Variants in GIPC2 observed in about 807,000 individuals in gnomAD.
GIPC2 encodes PDZ domain-containing protein GIPC2.
A neutral mutation model predicts 30.6 loss-of-function variants in GIPC2; 30 were observed. The observed-to-expected ratio is 0.98, with a 90% confidence interval of 0.73 to 1.33. The LOEUF (loss-of-function observed/expected upper bound fraction) is 1.33. Ranked by LOEUF, GIPC2 falls within the 40% of genes most tolerant of loss-of-function variation. GIPC2 has a pLI of 0.00. For missense variants in GIPC2, 414 were observed against 390.3 expected (o/e 1.06, Z -0.51); for synonymous variants, 167 against 150.0 (o/e 1.11, Z -0.83).
At position 78,046,406 on chromosome 1, in the gene GIPC2, C is replaced by CCCAGGAGGGTTGAGCGGCGTTT; in HGVS notation, c.240+75_240+96dup. On this transcript the variant is annotated intron_variant, in intron 1 of 5. Transcript: ENST00000370759. Reference sequence around the variant, plus strand: ...GCCGCGCCGCGCGTATTTCTGTGGGCCCAGGAGGGTTGAGCGGCGTTTCCC... The same window carrying CCCAGGAGGGTTGAGCGGCGTTT: ...GCCGCGCCGCGCGTATTTCTGTGGGCCCAGGAGGGTTGAGCGGCGTTTCCAGGAGGGTTGAGCGGCGTTTCCC... 5 of 1,386,202 alleles carry CCCAGGAGGGTTGAGCGGCGTTT rather than the reference C, an allele frequency of 3.6e-6. No individual in the cohort carries two copies. The East Asian group carries it at 7.4e-5, about 21-fold the overall frequency. 85.9% of individuals were successfully genotyped at this position (1,386,202 alleles called of 1,614,324 possible).
At position 78,069,475 on chromosome 1, in the gene GIPC2, C is replaced by CTTT. The variant is rs1167457025; in HGVS notation, c.241-11182_241-11180dup. 4.7e-3 allele frequency among the ~76,000 whole-genome samples: 602 copies of CTTT among 127,252 alleles called. 13 individuals are homozygous for CTTT. Among genetic ancestry groups the CTTT allele is most frequent in the African/African-American group, 0.016 (537 of 33,180 alleles). 83.5% of individuals were successfully genotyped at this position (127,252 alleles called of 152,430 possible). On this transcript the variant is annotated intron_variant, in intron 1 of 5. Coordinates refer to ENST00000370759, the MANE Select transcript of GIPC2 (RefSeq NM_017655.6). ...CCCTCATCTAGGGAACCCTGTAGTACTTTTTTTTTTTTTTTTTTTTGAGAC... is the reference window on the plus strand; with the variant it reads ...CCCTCATCTAGGGAACCCTGTAGTACTTTTTTTTTTTTTTTTTTTTTTTGAGAC...
chr1:78,045,408 C>A (rs1235219973), upstream of GIPC2: 1 of 233,954 alleles, frequency 4.3e-6, no homozygotes, highest in Non-Finnish European at 7.0e-6. Flanking sequence ...AGGCAAGGTC[C>A]TCTGTAGAGA....
At chr1:78,097,983 T>TAACAAACA (rs2100384126) in intron 3 of GIPC2, among the ~76,000 whole-genome samples, 1 of 152,316 alleles carries the variant, frequency 6.6e-6, no homozygotes, top group African/African-American at 2.4e-5. Flanking sequence ...ACACATAACA[T>TAACAAACA]GAAGGGATAA....
intron 5 of GIPC2, among the ~76,000 whole-genome samples, chr1:78,134,396 T>C (rs541049162): frequency 7.9e-5 from 12 of 151,862 alleles, no homozygotes; most frequent in African/African-American, 2.9e-4. Context: ...GTGATCCATC[T>C]CCATATGTGT....
chr1:78,089,782 T>C lies in GIPC2; in HGVS notation c.427-5170T>C, dbSNP rs78760695. 2.3e-4 allele frequency among the ~76,000 whole-genome samples: 35 copies of C among 152,326 alleles called. No homozygotes were observed. The East Asian group carries it at 5.6e-3, about 24-fold the overall frequency. On this transcript the variant is annotated intron_variant, in intron 2 of 5. Transcript: ENST00000370759. ...TTAAGAGCATACTTATAACAAAACC[T>C]GTATATAGTTAAGGCAGCAGCTGGA...
At chr1:78,100,847 T>C (rs78357655) in intron 3 of GIPC2, among the ~76,000 whole-genome samples, 1 of 150,928 alleles carries the variant, frequency 6.6e-6, no homozygotes, top group Admixed American at 6.6e-5. Flanking sequence ...GGAGAATCAC[T>C]TGAATCTGGG....
chr1:78,085,624 A>C (rs997452841), intron 2 of GIPC2, among the ~76,000 whole-genome samples: 8 of 151,128 alleles, frequency 5.3e-5, no homozygotes, highest in Non-Finnish European at 8.8e-5. Flanking sequence ...TCAGGAAATC[A>C]GTTTCTTCCT....
At chr1:78,046,422 G>C (rs1457355661) in intron 1 of GIPC2, 88 bp downstream of exon 1, 3 of 1,262,796 alleles carry the variant, frequency 2.4e-6, no homozygotes, top group East Asian at 5.2e-5. Context: ...AGGGTTGAGC[G>C]GCGTTTCCCG....
In GIPC2 at chr1:78,073,087, G is replaced by A. The variant is rs546854353; in HGVS notation, c.241-7588G>A. On this transcript the variant is annotated intron_variant, in intron 1 of 5. Transcript: ENST00000370759. The stretch of plus-strand genomic sequence containing the variant: ...GCCTCCCAAAGTGTTAGGATCACAG[G>A]CATGAGCCACCATGCCCGGCCTTTT... 7.3e-5 allele frequency among the ~76,000 whole-genome samples: 11 copies of A among 150,054 alleles called. No homozygotes were observed. The South Asian group carries it at 2.3e-3, about 32-fold the overall frequency.
intron 1 of GIPC2, among the ~76,000 whole-genome samples, chr1:78,071,547 T>C (rs1335289392): frequency 6.6e-6 from 1 of 150,934 alleles, no homozygotes. Context: ...TCCTTCTCCT[T>C]CTTCTTCTTC....
Position 78,080,790 on chromosome 1 carries a change from ATG to A in GIPC2, c.360_361del (p.Tyr121Ter), listed in dbSNP as rs1478856684. 6.2e-7 allele frequency: 1 copy of A among 1,610,264 alleles called. No homozygotes were observed. The highest frequency in any genetic ancestry group is 1.7e-5 in the Admixed American group (1 of 59,976). ...GTGAAAGGAATCGAAAAAGAAGTGA[ATG>A]TGTATAAATCTGAGGATTCACTTGG... On this transcript the variant is annotated frameshift_variant, in exon 2 of 6. Coordinates refer to ENST00000370759, the MANE Select transcript of GIPC2 (RefSeq NM_017655.6). LOFTEE classifies it high-confidence loss of function.
At chr1:78,131,209 TTTTC>T (rs950919324) in intron 5 of GIPC2, among the ~76,000 whole-genome samples, 3 of 152,220 alleles carry the variant, frequency 2.0e-5, no homozygotes, top group South Asian at 2.1e-4. Context: ...TTTTTTTCTT[TTTTC>T]TTTTTCTTTT....
intron 2 of GIPC2, among the ~76,000 whole-genome samples, chr1:78,093,777 A>G (rs78993133): frequency 2.0e-5 from 3 of 152,282 alleles, no homozygotes; most frequent in Admixed American, 6.5e-5. Flanking sequence ...TATCATTCCT[A>G]TGAAGGATTT....
rs72687114 is a variant in GIPC2 at position 78,053,026 on chromosome 1, C to T, written c.240+6692C>T. ...TAGGGTTTTACTGATTTGCATATAGCACCCCCTGCCCTGGAAAAACAAGTT... is the reference window on the plus strand; with the variant it reads ...TAGGGTTTTACTGATTTGCATATAGTACCCCCTGCCCTGGAAAAACAAGTT... On this transcript the variant is annotated intron_variant, in intron 1 of 5. Coordinates refer to ENST00000370759, the MANE Select transcript of GIPC2 (RefSeq NM_017655.6). Among the ~76,000 whole-genome samples the T allele has an allele frequency of 8.6e-3, 1,304 of 152,262 alleles. 9 individuals are homozygous for T. The highest frequency in any genetic ancestry group is 0.013 in the Non-Finnish European group (859 of 68,014).
At chr1:78,046,360 C>G (rs781317492) in intron 1 of GIPC2, 26 bp downstream of exon 1, 1 of 1,585,466 alleles carries the variant, frequency 6.3e-7, no homozygotes, top group South Asian at 1.1e-5. Flanking sequence ...CTCAGGCTCT[C>G]CCGCCTCTCC....
At chr1:78,127,208 A>G (rs962591676) in intron 5 of GIPC2, among the ~76,000 whole-genome samples, 2 of 152,222 alleles carry the variant, frequency 1.3e-5, no homozygotes, top group African/African-American at 2.4e-5. Flanking sequence ...ACTTCCACTC[A>G]TATTCCATTT....
intron 3 of GIPC2, among the ~76,000 whole-genome samples, chr1:78,109,839 A>G (rs1172593035): frequency 6.6e-6 from 1 of 152,232 alleles, no homozygotes; most frequent in Non-Finnish European, 1.5e-5. Context: ...CATATACACC[A>G]TGGAATACTA....
At position 78,135,591 on chromosome 1, in the gene GIPC2, GCCA is replaced by G; in HGVS notation, c.801_803del (p.Thr268del). 1 of 1,512,862 alleles carries G rather than the reference GCCA, an allele frequency of 6.6e-7. No individual in the cohort carries two copies. 93.7% of individuals were successfully genotyped at this position (1,512,862 alleles called of 1,614,324 possible). A position where few individuals can be genotyped will look rare whatever the true frequency, so the allele number is the denominator to read the frequency against. On this transcript the variant is annotated inframe_deletion and splice_region_variant, in exon 6 of 6. Transcript: ENST00000370759. Reference sequence around the variant, plus strand: ...TAATTTTTTAATATTATTTTTGATAGCCACCACAATGTTTGAAGCTGGAAAGGA... The same window carrying G: ...TAATTTTTTAATATTATTTTTGATAGCCACAATGTTTGAAGCTGGAAAGGA...
At chr1:78,083,215 G>A (rs1661865197) in intron 2 of GIPC2, among the ~76,000 whole-genome samples, 1 of 152,002 alleles carries the variant, frequency 6.6e-6, no homozygotes, top group Non-Finnish European at 1.5e-5. Context: ...TAGTTGTCAT[G>A]TCTTTTTAGT....
Sources: allele counts gnomAD v4.1 joint callset (sites outside exome capture counted in the v4.1 genomes callset), GRCh38; gene constraint gnomAD v4.1.1; transcripts MANE v1.5; gene names NCBI Gene and HGNC (gene_info 2026-07-23, HGNC 2026-07-21).